SDF4: variants seen among roughly 807,000 people sequenced by gnomAD.
The protein encoded by SDF4 is stromal cell derived factor 4, also known as 45 kDa calcium-binding protein.
Under a neutral mutation model 34.2 loss-of-function variants are expected in SDF4, and 22 were observed. The observed-to-expected ratio is 0.64, with a 90% confidence interval of 0.46 to 0.92. The LOEUF is 0.92. SDF4 is among the 40% of genes least tolerant of loss of function. The pLI, the probability that SDF4 is intolerant of heterozygous loss-of-function variation, is 0.00. For synonymous variants in SDF4, 236 were observed against 203.1 expected, an observed-to-expected ratio of 1.16 and a Z score of -1.38; for missense variants, 447 against 499.9, an observed-to-expected ratio of 0.89 and a Z score of 1.01.
intron 4 of SDF4, among the ~76,000 whole-genome samples, chr1:1,221,635 C>G (rs982471026): frequency 6.6e-6 from 1 of 152,084 alleles, no homozygotes; most frequent in African/African-American, 2.4e-5. Context: ...GGCCCTCACT[C>G]TTAAACAATT....
intron 4 of SDF4, among the ~76,000 whole-genome samples, chr1:1,222,823 G>A (rs559598800): frequency 2.8e-4 from 42 of 152,374 alleles, no homozygotes; most frequent in African/African-American, 8.9e-4. Flanking sequence ...CACCAACCAG[G>A]TTGGGCCATG....
chr1:1,220,120 C>T, intron 4 of SDF4: 2 of 987,362 alleles, frequency 2.0e-6, no homozygotes, highest in Non-Finnish European at 2.4e-6. Flanking sequence ...GCACAGGATT[C>T]TCACAGCCGC....
At position 1,228,516 on chromosome 1, in the gene SDF4, T is replaced by C; in HGVS notation, c.257A>G (p.Asp86Gly). Reference protein sequence around the residue: ...LGKDLGGFDEDAEPRRSRRKL... With the variant: ...LGKDLGGFDEGAEPRRSRRKL... ...CCTCCGGCTCCGCCGCGGCTCCGCG[T>C]CCTCATCAAAGCCACCCAGGTCCTT... The change falls in exon 2 of 7, where the codon GAC becomes GGC. Residue 86 changes from aspartate to glycine, a missense_variant. Asp to Gly is a moderately conservative substitution (Grantham distance 94). Coordinates refer to ENST00000360001, the MANE Select transcript of SDF4 (RefSeq NM_016176.6). 2 of 1,612,416 alleles carry C rather than the reference T, an allele frequency of 1.2e-6. No individual in the cohort carries two copies. Among genetic ancestry groups the C allele is most frequent in the Non-Finnish European group, 1.7e-6 (2 of 1,179,612 alleles).
chr1:1,224,002 A>G, intron 2 of SDF4, 34 bp from the exon 3 acceptor site: 1 of 1,604,808 alleles, frequency 6.2e-7, no homozygotes, highest in Non-Finnish European at 8.5e-7. Context: ...TGGCCGTCAG[A>G]CTGGGCCCCC....
chr1:1,223,818 C>CCCCCCCCCCCCCA lies in SDF4; in HGVS notation c.442+13_442+14insTGGGGGGGGGGGG. The CCCCCCCCCCCCCA allele has an allele frequency of 6.7e-7, 1 of 1,489,488 alleles. No homozygotes were observed. Among genetic ancestry groups the CCCCCCCCCCCCCA allele is most frequent in the Non-Finnish European group, 9.1e-7 (1 of 1,098,098 alleles). 92.3% of individuals were successfully genotyped at this position (1,489,488 alleles called of 1,614,324 possible). Reference sequence around the variant, plus strand: ...CCGCCCACCGCCCCACCCACCCCGGCCCAGCCACAGTACCGTCCCCGTCAG... The same window carrying CCCCCCCCCCCCCA: ...CCGCCCACCGCCCCACCCACCCCGGCCCCCCCCCCCCCACCAGCCACAGTACCGTCCCCGTCAG... On this transcript the variant is annotated intron_variant, in intron 3 of 6. Transcript: ENST00000360001.
rs776947715 is a variant in SDF4 at position 1,217,905 on chromosome 1, C to T, written c.892-217G>A. Reference sequence around the variant, plus strand: ...CCCGGGGCCAGCAGGGGTAACGGGGCACAGGGGCTACACAGGCCTGGACCC... The same window carrying T: ...CCCGGGGCCAGCAGGGGTAACGGGGTACAGGGGCTACACAGGCCTGGACCC... On this transcript the variant is annotated intron_variant, in intron 6 of 6. Transcript: ENST00000360001. This position sits in a 1 kb window ranked among gnomAD's most constrained non-coding sequence, Gnocchi z 8.5. 1.3e-4 allele frequency: 171 copies of T among 1,315,014 alleles called. No individual in the cohort carries two copies. The highest frequency in any genetic ancestry group is 1.7e-4 in the Non-Finnish European group (167 of 988,014). 81.5% of individuals were successfully genotyped at this position (1,315,014 alleles called of 1,614,324 possible).
chr1:1,228,425 G>A (rs775770974), intron 2 of SDF4, 43 bp downstream of exon 2: 91 of 1,543,174 alleles, frequency 5.9e-5, no homozygotes, highest in Middle Eastern at 1.7e-4. Context: ...ACAGGCGAGC[G>A]CACGCGGACA....
In SDF4 at chr1:1,218,782, G is replaced by A. The variant is rs754121798; in HGVS notation, c.702C>T (p.Ile234=). The change falls in exon 5 of 7, where the codon ATC becomes ATT. Residue 234 remains isoleucine, a synonymous_variant. Transcript: ENST00000360001. This position sits in a 1 kb window ranked among gnomAD's most constrained non-coding sequence, Gnocchi z 7.9. ...ACCCAGCCTCACCCAGGTCCCGGAC[G>A]ATCTCCTTCACCATGAACCTGAGCA... ...RGMLRFMVKE[I]VRDLDQDGDK... is the part of the protein sequence containing the mutation. 51 of 1,612,074 alleles carry A rather than the reference G, an allele frequency of 3.2e-5. No homozygotes were observed. Among genetic ancestry groups the A allele is most frequent in the South Asian group, 8.8e-5 (8 of 91,020 alleles).
chr1:1,219,891 G>A (rs1649815997), intron 4 of SDF4: 9 of 985,710 alleles, frequency 9.1e-6, no homozygotes, highest in Non-Finnish European at 1.1e-5. Flanking sequence ...TGCGGGATGA[G>A]GCCCAGCTGC....
chr1:1,223,412 C>T, intron 3 of SDF4, 55 bp from the exon 4 acceptor site: 1 of 1,265,466 alleles, frequency 7.9e-7, no homozygotes, highest in East Asian at 2.3e-5. Flanking sequence ...GAACTTCCTT[C>T]TCAACTGAGA....
chr1:1,220,311 CG>C, intron 4 of SDF4: 1 of 1,094,472 alleles, frequency 9.1e-7, no homozygotes, highest in South Asian at 2.4e-5. Flanking sequence ...GCGATGGAGG[CG>C]GGGGAAGGGA....
intron 1 of SDF4, among the ~76,000 whole-genome samples, chr1:1,231,605 C>G (rs971427377): frequency 2.6e-5 from 4 of 152,258 alleles, no homozygotes; most frequent in Non-Finnish European, 5.9e-5. Context: ...CGAGTCCAAC[C>G]AGACCCCTTG....
chr1:1,223,155 ACACACACGG>A, intron 4 of SDF4, 80 bp downstream of exon 4: 1 of 888,436 alleles, frequency 1.1e-6, no homozygotes, highest in Non-Finnish European at 1.8e-6. Context: ...CTCATACACG[ACACACACGG>A]CACACTCATG....
chr1:1,217,667 C>A lies in SDF4; in HGVS notation c.913G>T (p.Glu305Ter). 2 of 1,613,856 alleles carry A rather than the reference C, an allele frequency of 1.2e-6. No homozygotes were observed. The highest frequency in any genetic ancestry group is 1.7e-6 in the Non-Finnish European group (2 of 1,179,948). ...TTGGCCTCGTTCAGCGCGTTGTACT[C>A]GTTCATGGGGTCCATGTAGCTCTGC... The part of the protein sequence containing the change: ...ELESYMDPMN[E>*]YNALNEAKQM... The change falls in exon 7 of 7, where the codon GAG (glutamate) becomes TAG (stop). Residue 305 changes from glutamate (E) to a stop codon, truncating the protein, a stop_gained. Coordinates refer to ENST00000360001, the MANE Select transcript of SDF4 (RefSeq NM_016176.6). LOFTEE classifies it high-confidence loss of function. The surrounding 1 kb of genome is among the most constrained non-coding windows in gnomAD (Gnocchi z 8.5).
Position 1,217,472 on chromosome 1 carries a change from C to T in SDF4, c.*40G>A, listed in dbSNP as rs756783942. 4.9e-6 allele frequency: 7 copies of T among 1,431,286 alleles called. No homozygotes were observed. Among genetic ancestry groups the T allele is most frequent in the African/African-American group, 1.5e-5 (1 of 67,300 alleles). The allele number at this position is 1,431,286 out of a possible 1,614,324, so 88.7% of individuals were successfully genotyped here. A position where few individuals can be genotyped will look rare whatever the true frequency, so the allele number is the denominator to read the frequency against. Reference sequence around the variant, plus strand: ...CCCGGAGTCACCCGCGAGGCCGCCCCGGTGGTGCGTGGGGGGCGGCGCGGG... The same window carrying T: ...CCCGGAGTCACCCGCGAGGCCGCCCTGGTGGTGCGTGGGGGGCGGCGCGGG... On this transcript the variant is annotated 3_prime_UTR_variant, in exon 7 of 7. Transcript: ENST00000360001. This position sits in a 1 kb window ranked among gnomAD's most constrained non-coding sequence, Gnocchi z 8.5.
chr1:1,225,013 C>T (rs1570485245), intron 2 of SDF4, among the ~76,000 whole-genome samples: 1 of 152,170 alleles, frequency 6.6e-6, no homozygotes, highest in Non-Finnish European at 1.5e-5. Flanking sequence ...TGGAAGAGAC[C>T]ACAGACTTGG....
intron 4 of SDF4, chr1:1,219,714 T>A: frequency 1.0e-6 from 1 of 986,106 alleles, no homozygotes; most frequent in Non-Finnish European, 1.2e-6. Context: ...CAAGCCACCC[T>A]GGGTCTCCAG....
rs550230239 is a variant in SDF4, at chr1:1,228,916, G to A, written c.-144C>T. On this transcript the variant is annotated 5_prime_UTR_variant, in exon 2 of 7. Transcript: ENST00000360001. ...ACGGAGGGCTCTGTGTCCCCAGGACGGCCGCAGGATGGGGACAAGCAGCTC... is the reference window on the plus strand; with the variant it reads ...ACGGAGGGCTCTGTGTCCCCAGGACAGCCGCAGGATGGGGACAAGCAGCTC... 18 of 706,118 alleles carry A rather than the reference G, an allele frequency of 2.5e-5. No homozygotes were observed. Among genetic ancestry groups the A allele is most frequent in the African/African-American group, 1.1e-4 (6 of 56,072 alleles). The allele number at this position is 706,118 out of a possible 1,614,324, so 43.7% of individuals were successfully genotyped here.
chr1:1,225,721 GCCACAGACACGGGCCACACACTCCACAT>G (rs1638284296), intron 2 of SDF4, among the ~76,000 whole-genome samples: 1 of 119,518 alleles, frequency 8.4e-6, no homozygotes, highest in African/African-American at 3.5e-5. Flanking sequence ...CGCTCCACAC[GCCACAGACACGGGCCACACACTCCACAT>G]GCCACAGACA....
Sources: gnomAD v4.1 joint callset for allele counts (sites outside exome capture counted in the v4.1 genomes callset) on GRCh38, gnomAD v4.1.1 for gene constraint, Gnocchi (gnomAD v3.1) non-coding constraint, MANE v1.5 for transcripts, NCBI Gene and HGNC (gene_info 2026-07-23, HGNC 2026-07-21) for gene names.